The following GALK2 variants were observed in gnomAD, a reference collection of about 807,000 sequenced individuals.
GALK2 encodes galactokinase 2.
A neutral mutation model predicts 52.4 loss-of-function variants in GALK2; 36 were observed. That is an observed-to-expected ratio of 0.69 (90% confidence interval 0.53 to 0.91). GALK2 has a LOEUF of 0.91. Among genes scored for constraint, GALK2 ranks in the 40% least tolerant of loss-of-function variants. GALK2 has a pLI of 0.00. For synonymous variants in GALK2, 176 were observed against 199.1 expected, an observed-to-expected ratio of 0.88 and a Z score of 0.98; for missense variants, 579 against 559.1, an observed-to-expected ratio of 1.04 and a Z score of -0.36.
At chr15:49,286,813 T>C (rs2033415874) in intron 7 of GALK2, among the ~76,000 whole-genome samples, 1 of 152,196 alleles carries the variant, frequency 6.6e-6, no homozygotes, top group South Asian at 2.1e-4. Flanking sequence ...CTTAGTCTTG[T>C]TGACCTTTTA....
intron 1 of GALK2, among the ~76,000 whole-genome samples, chr15:49,178,195 CTATATATATATATATATATATA>C (rs71120671): frequency 5.9e-5 from 3 of 50,520 alleles, no homozygotes; most frequent in Non-Finnish European, 1.0e-4. Context: ...AAAAGAAATA[CTATATATATATATATATATATA>C]TATATATATA....
At chr15:49,176,050 G>A (rs1595885192) in intron 1 of GALK2, among the ~76,000 whole-genome samples, 1 of 152,322 alleles carries the variant, frequency 6.6e-6, no homozygotes, top group African/African-American at 2.4e-5. Context: ...TCTTTAACTT[G>A]GTGTCTGAGG....
intron 5 of GALK2, among the ~76,000 whole-genome samples, chr15:49,267,074 A>G (rs757713719): frequency 6.6e-6 from 1 of 152,176 alleles, no homozygotes; most frequent in South Asian, 2.1e-4. Flanking sequence ...AAAAATATTC[A>G]ATGATATTTG....
At chr15:49,170,715 A>G (rs2085018959) in intron 1 of GALK2, 1 of 247,984 alleles carries the variant, frequency 4.0e-6, no homozygotes, top group Non-Finnish European at 7.7e-6. Context: ...ATGCCAGTTG[A>G]TACTGCTTTT....
chr15:49,359,196 A>G (rs2043736920), intron 3 of GALK2, among the ~76,000 whole-genome samples: 1 of 148,056 alleles, frequency 6.8e-6, no homozygotes, highest in Admixed American at 6.7e-5. Flanking sequence ...TTCATGTCTA[A>G]AACACCAAAA....
At chr15:49,208,982 C>T (rs112705362) in intron 2 of GALK2, among the ~76,000 whole-genome samples, 9,208 of 152,228 alleles carry the variant, frequency 0.06, 552 homozygotes, top group African/African-American at 0.15. Flanking sequence ...TACCTCTGCT[C>T]GCTTTGGTGT....
intron 8 of GALK2, 141 bp from the exon 9 acceptor site, chr15:49,319,463 C>T: frequency 1.5e-6 from 1 of 659,382 alleles, no homozygotes; most frequent in Non-Finnish European, 2.5e-6. Flanking sequence ...TGAAAGAATC[C>T]TTTCAGCAAG....
At chr15:49,228,499 G>A (rs999248906) in intron 3 of GALK2, among the ~76,000 whole-genome samples, 2 of 149,330 alleles carry the variant, frequency 1.3e-5, no homozygotes, top group African/African-American at 4.9e-5. Context: ...GCTTGATCTA[G>A]TTTATTGTTG....
At chr15:49,225,472 G>A in intron 3 of GALK2, 1 of 302,370 alleles carries the variant, frequency 3.3e-6, no homozygotes, top group South Asian at 2.8e-5. Context: ...AGGGATCTAG[G>A]TTGCATGCTC....
chr15:49,335,765 G>A (rs150176295), downstream of GALK2, among the ~76,000 whole-genome samples: 3 of 152,292 alleles, frequency 2.0e-5, no homozygotes, highest in East Asian at 3.9e-4. Context: ...ATTACCTTTT[G>A]TATGTGTTTG....
At chr15:49,247,057 A>G (rs761189824) in intron 5 of GALK2, among the ~76,000 whole-genome samples, 1 of 152,128 alleles carries the variant, frequency 6.6e-6, no homozygotes, top group Non-Finnish European at 1.5e-5. Flanking sequence ...TTATCTAGGG[A>G]GTTAGGAGAA....
chr15:49,343,585 C>T (rs949975294), intron 3 of GALK2: 2 of 152,176 alleles, frequency 1.3e-5, no homozygotes, highest in Non-Finnish European at 2.9e-5. Flanking sequence ...GAAGTTTCTT[C>T]CCAGTTAAGG....
chr15:49,182,496 A>T (rs1197260662), intron 1 of GALK2, among the ~76,000 whole-genome samples: 5 of 152,134 alleles, frequency 3.3e-5, no homozygotes. Flanking sequence ...TTCCTTTTGG[A>T]TATATGCCTA....
intron 8 of GALK2, among the ~76,000 whole-genome samples, chr15:49,306,400 G>A (rs535022508): frequency 6.6e-6 from 1 of 152,252 alleles, no homozygotes; most frequent in African/African-American, 2.4e-5. Flanking sequence ...GCTAGGTACT[G>A]TGTATTAGAA....
chr15:49,336,318 C>G (rs571322140), downstream of GALK2, among the ~76,000 whole-genome samples: 91 of 152,360 alleles, frequency 6.0e-4, no homozygotes, highest in African/African-American at 2.1e-3. Context: ...TATGTCCTAA[C>G]CTTGGCCTTA....
chr15:49,281,766 G>A (rs148415782), intron 5 of GALK2, among the ~76,000 whole-genome samples: 67 of 152,230 alleles, frequency 4.4e-4, no homozygotes, highest in African/African-American at 1.5e-3. Flanking sequence ...TAGTGTGCAC[G>A]GTCAATATCT....
At chr15:49,167,628 G>A (rs934194103), upstream of GALK2, among the ~76,000 whole-genome samples, 2 of 152,118 alleles carry the variant, frequency 1.3e-5, no homozygotes, top group Non-Finnish European at 2.9e-5. Context: ...CAAAGTGCTG[G>A]GATTATAGGC....
At chr15:49,253,755 T>C (rs1175474720) in intron 5 of GALK2, among the ~76,000 whole-genome samples, 1 of 144,138 alleles carries the variant, frequency 6.9e-6, no homozygotes, top group African/African-American at 2.5e-5. Flanking sequence ...CTAGACTTTA[T>C]GTTATATCAA....
chr15:49,192,267 C>T (rs2086779159), intron 1 of GALK2, among the ~76,000 whole-genome samples: 1 of 151,900 alleles, frequency 6.6e-6, no homozygotes, highest in East Asian at 1.9e-4. Flanking sequence ...CAGGCCATCT[C>T]AGCAGATAAA....
Sources: gnomAD v4.1 joint callset for allele counts (sites outside exome capture counted in the v4.1 genomes callset) on GRCh38, gnomAD v4.1.1 for gene constraint, MANE v1.5 for transcripts, NCBI Gene and HGNC (gene_info 2026-07-23, HGNC 2026-07-21) for gene names.